The following ROBO1 variants were observed in gnomAD, a reference collection of about 807,000 sequenced individuals.
The protein encoded by ROBO1 is roundabout homolog 1.
A neutral mutation model predicts 195.9 loss-of-function variants in ROBO1; 149 were observed. That is an observed-to-expected ratio of 0.76 (90% confidence interval 0.67 to 0.87). The LOEUF (loss-of-function observed/expected upper bound fraction) is 0.87. Ranked by LOEUF, ROBO1 falls within the 40% of genes least tolerant of loss-of-function variation. The pLI, the probability that ROBO1 is intolerant of heterozygous loss-of-function variation, is 0.00. For synonymous variants in ROBO1, 816 were observed against 733.2 expected (o/e 1.11, Z -1.82); for missense variants, 1,933 against 2,068.3 (o/e 0.93, Z 1.27).
chr3:79,294,419 C>G (rs1294291984), intron 2 of ROBO1, among the ~76,000 whole-genome samples: 1 of 152,088 alleles, frequency 6.6e-6, no homozygotes, highest in Non-Finnish European at 1.5e-5. Flanking sequence ...AAACTGGAAC[C>G]CTTCCTTACA....
intron 2 of ROBO1, among the ~76,000 whole-genome samples, chr3:79,155,778 G>C (rs573669439): frequency 5.9e-5 from 9 of 151,884 alleles, no homozygotes; most frequent in African/African-American, 2.2e-4. Context: ...GTCAGAACTT[G>C]AATCAGAGTC....
intron 2 of ROBO1, among the ~76,000 whole-genome samples, chr3:79,300,742 G>A (rs62259709): frequency 6.6e-6 from 1 of 151,862 alleles, no homozygotes; most frequent in Non-Finnish European, 1.5e-5. Flanking sequence ...TACACCAATC[G>A]GCACTCTGTA....
At chr3:79,333,259 C>A (rs1265911418) in intron 2 of ROBO1, among the ~76,000 whole-genome samples, 2 of 151,324 alleles carry the variant, frequency 1.3e-5, no homozygotes, top group African/African-American at 4.9e-5. Context: ...CGAAGATTTT[C>A]TTCTTGATTA....
chr3:79,661,676 C>T (rs1946332482), intron 1 of ROBO1, among the ~76,000 whole-genome samples: 1 of 151,844 alleles, frequency 6.6e-6, no homozygotes, highest in African/African-American at 2.4e-5. Flanking sequence ...GACAGGTGTA[C>T]ATTTAGAGAT....
chr3:79,043,538 C>A (rs1194505822), intron 3 of ROBO1, among the ~76,000 whole-genome samples: 1 of 151,776 alleles, frequency 6.6e-6, no homozygotes, highest in Non-Finnish European at 1.5e-5. Flanking sequence ...TATAGAATGA[C>A]ATCATATAGA....
At chr3:79,359,199 A>C (rs2035672776) in intron 2 of ROBO1, among the ~76,000 whole-genome samples, 2 of 152,060 alleles carry the variant, frequency 1.3e-5, no homozygotes, top group Non-Finnish European at 2.9e-5. Context: ...AGACTAAATC[A>C]CACATGAACA....
Position 79,077,274 on chromosome 3 carries a change from T to A in ROBO1, c.172+48182A>T, listed in dbSNP as rs76735663. ...TATACAATATTTTTAGTGTTCTTCC[T>A]AAGACAGAATTCCTAGAACTATATG... is the stretch of plus-strand genomic sequence containing the variant. On this transcript the variant is annotated intron_variant, in intron 3 of 30. Transcript: ENST00000464233. Among the ~76,000 whole-genome samples the A allele has an allele frequency of 6.8e-3, 1,040 of 152,008 alleles. 13 individuals carry two copies. The highest frequency in any genetic ancestry group is 0.044 in the Middle Eastern group (13 of 294).
At chr3:79,349,917 T>C (rs950110685) in intron 2 of ROBO1, among the ~76,000 whole-genome samples, 5 of 152,146 alleles carry the variant, frequency 3.3e-5, no homozygotes, top group South Asian at 2.1e-4. Context: ...TGACACGAAA[T>C]GCATGAGCAA....
chr3:78,736,659 C>A (rs1160175080), intron 5 of ROBO1, among the ~76,000 whole-genome samples: 1 of 152,058 alleles, frequency 6.6e-6, no homozygotes, highest in African/African-American at 2.4e-5. Context: ...GAGCAAGAAC[C>A]CAATGCTCAC....
At chr3:78,767,368 C>T (rs548347979) in intron 4 of ROBO1, among the ~76,000 whole-genome samples, 25 of 152,090 alleles carry the variant, frequency 1.6e-4, no homozygotes, top group African/African-American at 3.6e-4. Flanking sequence ...TGGGGTCAAG[C>T]GATTCTCCTG....
chr3:79,751,101 G>T (rs968522442), intron 1 of ROBO1, among the ~76,000 whole-genome samples: 2 of 152,114 alleles, frequency 1.3e-5, no homozygotes, highest in Admixed American at 1.3e-4. Context: ...CTGACATCGT[G>T]TTAGTTTTAC....
chr3:78,839,811 C>T (rs9877603), intron 4 of ROBO1, among the ~76,000 whole-genome samples: 43,370 of 151,974 alleles, frequency 0.29, 7,688 homozygotes, highest in South Asian at 0.45. Flanking sequence ...CAAACATCAG[C>T]GACAAAAGCA....
intron 1 of ROBO1, among the ~76,000 whole-genome samples, chr3:79,625,423 GAAAAAAAA>G: frequency 4.3e-4 from 6 of 13,882 alleles, no homozygotes; most frequent in Admixed American, 3.7e-3. Flanking sequence ...TGTTTTTTTT[GAAAAAAAA>G]AAAAAAAAAA....
chr3:79,569,673 G>GTGTGTATA (rs1943210817), intron 2 of ROBO1, among the ~76,000 whole-genome samples: 1 of 85,702 alleles, frequency 1.2e-5, no homozygotes, highest in African/African-American at 5.5e-5. Flanking sequence ...GTGTGTGTGT[G>GTGTGTATA]TATATATGTG....
intron 2 of ROBO1, among the ~76,000 whole-genome samples, chr3:79,342,347 C>G (rs1290842418): frequency 6.6e-6 from 1 of 152,048 alleles, no homozygotes; most frequent in South Asian, 2.1e-4. Context: ...GTTATTGTAA[C>G]CCCTGTGTGA....
At chr3:79,410,693 G>A (rs1036491464) in intron 2 of ROBO1, among the ~76,000 whole-genome samples, 2 of 151,786 alleles carry the variant, frequency 1.3e-5, no homozygotes, top group Non-Finnish European at 2.9e-5. Flanking sequence ...AGGAGAGAAA[G>A]AAGGGAAAGA....
intron 1 of ROBO1, among the ~76,000 whole-genome samples, chr3:79,600,417 G>A (rs777035666): frequency 6.6e-6 from 1 of 151,950 alleles, no homozygotes; most frequent in Non-Finnish European, 1.5e-5. Context: ...GAAGTGTAGA[G>A]TGGTAGGGAG....
intron 4 of ROBO1, among the ~76,000 whole-genome samples, chr3:78,772,519 T>C (rs771704570): frequency 4.6e-5 from 7 of 152,134 alleles, no homozygotes; most frequent in Non-Finnish European, 7.4e-5. Context: ...AGATTATCAA[T>C]GATTTCAGTT....
chr3:78,973,201 T>C (rs971271871), intron 3 of ROBO1, among the ~76,000 whole-genome samples: 2 of 151,874 alleles, frequency 1.3e-5, no homozygotes, highest in African/African-American at 4.8e-5. Flanking sequence ...AATTCCAGCT[T>C]TTCCTCCCTT....
Sources: allele counts gnomAD v4.1 joint callset (sites outside exome capture counted in the v4.1 genomes callset), GRCh38; gene constraint gnomAD v4.1.1; transcripts MANE v1.5; gene names NCBI Gene and HGNC (gene_info 2026-07-23, HGNC 2026-07-21).